ST3GAL6: variants seen among roughly 807,000 people sequenced by gnomAD.
The protein encoded by ST3GAL6 is type 2 lactosamine alpha-2,3-sialyltransferase.
A neutral mutation model predicts 40.5 loss-of-function variants in ST3GAL6; 31 were observed. The ratio of observed to expected loss-of-function variants is 0.77; its 90% CI spans 0.58 to 1.03. The LOEUF (loss-of-function observed/expected upper bound fraction) is 1.03. Among genes scored for constraint, ST3GAL6 ranks in the 50% least tolerant of loss-of-function variants. The pLI, the probability that ST3GAL6 is intolerant of heterozygous loss-of-function variation, is 0.00. For synonymous variants in ST3GAL6, 129 were observed against 136.9 expected (o/e 0.94, Z 0.40); for missense variants, 357 against 393.2 (o/e 0.91, Z 0.78).
At chr3:98,768,586 C>T in intron 2 of ST3GAL6, 57 bp downstream of exon 2, 1 of 1,307,080 alleles carries the variant, frequency 7.7e-7, no homozygotes, top group African/African-American at 1.5e-5. Flanking sequence ...CACACAAATC[C>T]ACAAATTATA....
Position 98,768,471 on chromosome 3 carries a change from A to C in ST3GAL6, c.31A>C (p.Ser11Arg). 1 of 1,613,934 alleles carries C rather than the reference A, an allele frequency of 6.2e-7. No individual in the cohort carries two copies. Among genetic ancestry groups the C allele is most frequent in the Non-Finnish European group, 8.5e-7 (1 of 1,179,862 alleles). Reference sequence around the variant, plus strand: ...AGGGTATCTTGTGGCCATATTCCTGAGTGCTGTCTTCCTCTATTATGTACT... The same window carrying C: ...AGGGTATCTTGTGGCCATATTCCTGCGTGCTGTCTTCCTCTATTATGTACT... MRGYLVAIFL[S>R]AVFLYYVLHC... is the part of the protein sequence containing the mutation. The change falls in exon 2 of 10, where the codon AGT becomes CGT. Residue 11 changes from serine (S) to arginine (R), a missense_variant. Coordinates refer to ENST00000483910, the MANE Select transcript of ST3GAL6 (RefSeq NM_001323368.2).
chr3:98,785,180 G>A, intron 6 of ST3GAL6, 140 bp downstream of exon 6: 1 of 596,132 alleles, frequency 1.7e-6, no homozygotes, highest in Non-Finnish European at 2.9e-6. Context: ...TCTCTTGGTT[G>A]TTGGCTAGAG....
chr3:98,778,811 T>C (rs1939795025), intron 5 of ST3GAL6, among the ~76,000 whole-genome samples: 1 of 152,152 alleles, frequency 6.6e-6, no homozygotes, highest in African/African-American at 2.4e-5. Flanking sequence ...AGTTTGAGGA[T>C]CTCCTGGCTG....
upstream of ST3GAL6, among the ~76,000 whole-genome samples, chr3:98,760,736 C>T (rs1009792859): frequency 1.3e-5 from 2 of 152,128 alleles, no homozygotes; most frequent in South Asian, 2.1e-4. Context: ...AACGTATATC[C>T]ACCCAAGAAG....
intron 1 of ST3GAL6, chr3:98,756,264 G>A (rs540398912): frequency 7.3e-6 from 7 of 956,876 alleles, no homozygotes; most frequent in Non-Finnish European, 1.0e-5. Flanking sequence ...TCAGAAGTGA[G>A]TTTACTAAAA....
intron 1 of ST3GAL6, among the ~76,000 whole-genome samples, chr3:98,742,592 A>G (rs1225452817): frequency 1.3e-5 from 2 of 152,186 alleles, no homozygotes; most frequent in African/African-American, 4.8e-5. Context: ...CTTACCAAAC[A>G]ACTTTTTAAT....
intron 7 of ST3GAL6, 21 bp from the exon 8 acceptor site, chr3:98,788,303 TTC>T: frequency 1.9e-6 from 3 of 1,600,758 alleles, no homozygotes; most frequent in Non-Finnish European, 2.6e-6. Context: ...CACTGTTCTA[TTC>T]TCTATATTTT....
intron 1 of ST3GAL6, chr3:98,732,717 G>C: frequency 1.3e-6 from 1 of 775,166 alleles, no homozygotes; most frequent in Non-Finnish European, 1.9e-6. Context: ...GCCCGGGATT[G>C]GGGCTGGCGG....
intron 8 of ST3GAL6, 93 bp downstream of exon 8, chr3:98,788,556 C>T (rs1371084117): frequency 1.7e-6 from 2 of 1,192,834 alleles, no homozygotes; most frequent in Non-Finnish European, 1.1e-6. Context: ...ATGAGAACCA[C>T]AGCTCATGAG....
At chr3:98,737,946 T>A (rs539363072) in intron 1 of ST3GAL6, among the ~76,000 whole-genome samples, 2 of 152,270 alleles carry the variant, frequency 1.3e-5, no homozygotes, top group African/African-American at 2.4e-5. Flanking sequence ...TCAATTGTAA[T>A]CCTCAGTGTT....
At chr3:98,757,568 G>T (rs1441647474) in intron 1 of ST3GAL6, among the ~76,000 whole-genome samples, 1 of 152,116 alleles carries the variant, frequency 6.6e-6, no homozygotes, top group Admixed American at 6.6e-5. Flanking sequence ...ACCATTTCTG[G>T]CATCAAAAAG....
At chr3:98,732,602 C>CTTCCTCCTCG in intron 1 of ST3GAL6, 1 of 422,354 alleles carries the variant, frequency 2.4e-6, no homozygotes, top group Non-Finnish European at 4.2e-6. Flanking sequence ...AGCCTCCCAC[C>CTTCCTCCTCG]ACTTTGCACC....
At chr3:98,782,871 C>T (rs919903394) in intron 5 of ST3GAL6, 15 of 463,290 alleles carry the variant, frequency 3.2e-5, no homozygotes, top group African/African-American at 2.9e-4. Flanking sequence ...ATCCTGGAGT[C>T]TGAGATAAAA....
chr3:98,745,958 G>T (rs1936509826), intron 1 of ST3GAL6, among the ~76,000 whole-genome samples: 1 of 152,124 alleles, frequency 6.6e-6, no homozygotes, highest in Admixed American at 6.5e-5. Flanking sequence ...TACTCTCTCG[G>T]CTCAGACAGT....
chr3:98,779,912 GTGT>G lies in ST3GAL6; in HGVS notation c.336-5029_336-5027del, dbSNP rs200448614. On this transcript the variant is annotated intron_variant, in intron 5 of 9. Transcript: ENST00000483910. ...AAATGCACAGCCTGTGAATCAGGAA[GTGT>G]TGTAGATGGGAGGATACAGAGATAT... Among the ~76,000 whole-genome samples the G allele has an allele frequency of 4.4e-3, 669 of 152,344 alleles. 5 individuals are homozygous for G. The highest frequency in any genetic ancestry group is 0.015 in the African/African-American group (618 of 41,578).
At chr3:98,768,290 CA>C (rs1938597691) in intron 1 of ST3GAL6, 139 bp from the exon 2 acceptor site, 1 of 689,188 alleles carries the variant, frequency 1.5e-6, no homozygotes, top group African/African-American at 1.8e-5. Flanking sequence ...TGAGTATTTC[CA>C]AAATTACATG....
At chr3:98,751,842 C>T (rs958672657) in intron 1 of ST3GAL6, among the ~76,000 whole-genome samples, 1 of 152,158 alleles carries the variant, frequency 6.6e-6, no homozygotes, top group Non-Finnish European at 1.5e-5. Context: ...TGGAAATAAT[C>T]TTCATGTAGT....
intron 4 of ST3GAL6, chr3:98,773,183 A>C (rs989592448): frequency 4.6e-6 from 1 of 217,608 alleles, no homozygotes; most frequent in African/African-American, 2.3e-5. Flanking sequence ...CATGTGATCC[A>C]TGTAAGTTCT....
intron 6 of ST3GAL6, among the ~76,000 whole-genome samples, chr3:98,786,694 T>G (rs78953290): frequency 0.051 from 7,595 of 149,308 alleles, 254 homozygotes; most frequent in Non-Finnish European, 0.072. Context: ...GTTTTTTTTT[T>G]GTTTGTTTTC....
Sources: gnomAD v4.1 joint callset for allele counts (sites outside exome capture counted in the v4.1 genomes callset) on GRCh38, gnomAD v4.1.1 for gene constraint, MANE v1.5 for transcripts, NCBI Gene and HGNC (gene_info 2026-07-23, HGNC 2026-07-21) for gene names.